Variants in ARHGAP42 observed in about 807,000 individuals in gnomAD.
The protein encoded by ARHGAP42 is rho GTPase-activating protein 42.
A neutral mutation model predicts 125.0 loss-of-function variants in ARHGAP42; 63 were observed. The observed-to-expected ratio is 0.50, with a 90% CI of 0.41 to 0.62. The LOEUF is 0.62. ARHGAP42 is among the 20% of genes least tolerant of loss of function. ARHGAP42 has a pLI of 0.00. For synonymous variants in ARHGAP42, 339 were observed against 351.0 expected (o/e 0.97, Z 0.38); for missense variants, 766 against 1,024.2 (o/e 0.75, Z 3.44).
chr11:100,959,376 G>A (rs568437853), intron 12 of ARHGAP42, among the ~76,000 whole-genome samples: 3 of 152,102 alleles, frequency 2.0e-5, no homozygotes, highest in East Asian at 1.9e-4. Context: ...AACATGGAGC[G>A]TAGAATCAGA....
chr11:100,772,294 T>C (rs1234644254), intron 2 of ARHGAP42, among the ~76,000 whole-genome samples: 1 of 152,204 alleles, frequency 6.6e-6, no homozygotes, highest in Non-Finnish European at 1.5e-5. Context: ...TGGAGAAATC[T>C]CTGGGCAGGG....
chr11:100,989,811 A>G lies in ARHGAP42; in HGVS notation c.*1010A>G, dbSNP rs935903324. On this transcript the variant is annotated 3_prime_UTR_variant, in exon 24 of 24. Coordinates refer to ENST00000298815, the MANE Select transcript of ARHGAP42 (RefSeq NM_152432.4). Reference sequence around the variant, plus strand: ...TTTTGAAATGTTCTTCTACAAATGAAAAAGATGTTTAAAAACGTTACAAGG... The same window carrying G: ...TTTTGAAATGTTCTTCTACAAATGAGAAAGATGTTTAAAAACGTTACAAGG... 6.6e-6 allele frequency: 1 copy of G among 152,208 alleles called. No individual in the cohort carries two copies. Among genetic ancestry groups the G allele is most frequent in the Non-Finnish European group, 1.5e-5 (1 of 68,024 alleles). The allele number at this position is 152,208 out of a possible 1,614,324, so 9.4% of individuals were successfully genotyped here. A position where few individuals can be genotyped will look rare whatever the true frequency, so the allele number is the denominator to read the frequency against.
At chr11:100,693,580 CT>C (rs1450028651) in intron 1 of ARHGAP42, among the ~76,000 whole-genome samples, 4 of 152,134 alleles carry the variant, frequency 2.6e-5, no homozygotes, top group Non-Finnish European at 2.9e-5. Flanking sequence ...TTAACAGTAT[CT>C]TTATTTCTCC....
At chr11:100,853,344 A>G (rs528641031) in intron 3 of ARHGAP42, among the ~76,000 whole-genome samples, 53 of 152,190 alleles carry the variant, frequency 3.5e-4, no homozygotes, top group Non-Finnish European at 6.8e-4. Flanking sequence ...TGATAAGTAG[A>G]TAAGTGGGGA....
chr11:100,751,277 GTGTTTTTT>G (rs1477583313), intron 1 of ARHGAP42, among the ~76,000 whole-genome samples: 1,670 of 121,608 alleles, frequency 0.014, 49 homozygotes, highest in African/African-American at 0.053. Context: ...GTGTGTGTGT[GTGTTTTTT>G]TTTTTTTTTT....
intron 1 of ARHGAP42, among the ~76,000 whole-genome samples, chr11:100,751,908 T>C (rs1383710874): frequency 1.3e-5 from 2 of 149,614 alleles, no homozygotes; most frequent in African/African-American, 4.9e-5. Flanking sequence ...CCCTCCCGAG[T>C]AGCTGGGATT....
intron 1 of ARHGAP42, among the ~76,000 whole-genome samples, chr11:100,766,727 C>T (rs1862838563): frequency 6.6e-6 from 1 of 152,066 alleles, no homozygotes. Context: ...AACTTCTTTA[C>T]CTTGATGGTT....
intron 5 of ARHGAP42, among the ~76,000 whole-genome samples, chr11:100,921,235 ATATATATATATTTTTTTTTTTTT>A (rs1467381026): frequency 7.7e-4 from 26 of 33,732 alleles, no homozygotes; most frequent in South Asian, 4.0e-3. Flanking sequence ...ATATATATAT[ATATATATATATTTTTTTTTTTTT>A]TTTTTTTTTT....
intron 3 of ARHGAP42, among the ~76,000 whole-genome samples, chr11:100,796,984 G>A (rs143933379): frequency 7.2e-5 from 11 of 152,148 alleles, no homozygotes; most frequent in African/African-American, 2.6e-4. Flanking sequence ...GGTCAGGCTG[G>A]TCTTGAACTC....
intron 4 of ARHGAP42, among the ~76,000 whole-genome samples, chr11:100,867,785 C>T (rs11224495): frequency 0.073 from 11,060 of 152,304 alleles, 546 homozygotes; most frequent in East Asian, 0.25. Flanking sequence ...ATACCTTCCT[C>T]ACTAAGCTTA....
intron 23 of ARHGAP42, 61 bp from the exon 24 acceptor site, chr11:100,988,652 G>A: frequency 7.2e-7 from 1 of 1,380,874 alleles, no homozygotes; most frequent in South Asian, 1.3e-5. Context: ...TAACCCATCT[G>A]TTTATATAAT....
chr11:100,873,090 T>C (rs1865734047), intron 4 of ARHGAP42, among the ~76,000 whole-genome samples: 1 of 152,112 alleles, frequency 6.6e-6, no homozygotes, highest in African/African-American at 2.4e-5. Context: ...AGGTGCAATA[T>C]AAAGACTGGT....
At chr11:100,846,312 G>T (rs532224985) in intron 3 of ARHGAP42, among the ~76,000 whole-genome samples, 3 of 152,136 alleles carry the variant, frequency 2.0e-5, no homozygotes, top group African/African-American at 7.2e-5. Flanking sequence ...TCAATGGTTC[G>T]TCAGAACACC....
chr11:100,765,808 A>G (rs1300819825), intron 1 of ARHGAP42, among the ~76,000 whole-genome samples: 2 of 152,334 alleles, frequency 1.3e-5, no homozygotes, highest in South Asian at 4.1e-4. Context: ...AGTCTTCCTT[A>G]GATCCAATCC....
intron 1 of ARHGAP42, among the ~76,000 whole-genome samples, chr11:100,697,213 C>T (rs1417875420): frequency 6.6e-6 from 1 of 150,796 alleles, no homozygotes; most frequent in Non-Finnish European, 1.5e-5. Flanking sequence ...GACGAAGTCT[C>T]GCTCTGTCGC....
chr11:100,887,557 G>A (rs747818179), intron 4 of ARHGAP42, among the ~76,000 whole-genome samples: 2 of 152,176 alleles, frequency 1.3e-5, no homozygotes, highest in East Asian at 3.8e-4. Context: ...CATGGTAATC[G>A]TAACTATTTC....
Position 100,759,670 on chromosome 11 carries a change from C to T in ARHGAP42, c.155-10673C>T, listed in dbSNP as rs572183448. Among the ~76,000 whole-genome samples, 5 of 152,124 alleles carry T rather than the reference C, an allele frequency of 3.3e-5. No homozygotes were observed. In the South Asian group the frequency reaches 1.0e-3, roughly 32 times the overall value. ...TTTCTCAAAGATTTCTCCTGAAGTA[C>T]ATCTAATACGAGAGGAGGGGAAAAG... On this transcript the variant is annotated intron_variant, in intron 1 of 23. Transcript: ENST00000298815.
At chr11:100,774,542 G>T (rs1449419102) in intron 2 of ARHGAP42, among the ~76,000 whole-genome samples, 5 of 152,160 alleles carry the variant, frequency 3.3e-5, no homozygotes, top group Non-Finnish European at 7.3e-5. Context: ...CTCATCTTTT[G>T]TATGTGGGTC....
Position 100,900,332 on chromosome 11 carries a change from G to A in ARHGAP42, c.385-13120G>A, listed in dbSNP as rs543246689. On this transcript the variant is annotated intron_variant, in intron 4 of 23. Transcript: ENST00000298815. ...TAACCTGACCTTTCTCTCTGGCTGT[G>A]CTTAACATTTTTTCCTTCATTTCAA... 8.2e-4 allele frequency among the ~76,000 whole-genome samples: 125 copies of A among 152,196 alleles called. 1 individual carries two copies. In the South Asian group the frequency reaches 0.016, roughly 19 times the overall value.
Sources: allele counts gnomAD v4.1 joint callset (sites outside exome capture counted in the v4.1 genomes callset), GRCh38; gene constraint gnomAD v4.1.1; transcripts MANE v1.5; gene names NCBI Gene and HGNC (gene_info 2026-07-23, HGNC 2026-07-21).